RNGTT: variants seen among roughly 807,000 people sequenced by gnomAD.
RNGTT encodes mRNA-capping enzyme.
In RNGTT, 33 loss-of-function variants were observed where a neutral mutation model predicts 79.3. The ratio of observed to expected loss-of-function variants is 0.42; its 90% CI spans 0.32 to 0.56. The LOEUF is 0.56. Ranked by LOEUF, RNGTT falls within the 20% of genes least tolerant of loss-of-function variation. The pLI is 0.17. For synonymous variants in RNGTT, 222 were observed against 235.9 expected (o/e 0.94, Z 0.54); for missense variants, 497 against 739.1 (o/e 0.67, Z 3.80).
In RNGTT at chr6:88,963,381, C is replaced by T. The variant is rs1319565224; in HGVS notation, c.29G>A (p.Trp10Ter). ...CTGGCCGCGCCGGGGACAGTTCAGC[C>T]ACCGCGGCGGGATCTTGTTGTGAGC... Reference protein sequence around the residue: MAHNKIPPRWLNCPRRGQPV... With the variant: MAHNKIPPR Residue 10 changes from tryptophan to a stop codon, truncating the protein, a stop_gained, in exon 1 of 16, where the codon TGG becomes TAG. Transcript: ENST00000369485. LOFTEE classifies it high-confidence loss of function. 1.2e-6 allele frequency: 2 copies of T among 1,610,352 alleles called. No individual in the cohort carries two copies. The highest frequency in any genetic ancestry group is 1.3e-5 in the African/African-American group (1 of 74,802).
Position 88,610,568 on chromosome 6 carries a change from C to G in RNGTT, c.*2151G>C, listed in dbSNP as rs1771986027. The G allele has an allele frequency of 6.6e-6, 1 of 152,174 alleles. No individual in the cohort carries two copies. 9.4% of individuals were successfully genotyped at this position (152,174 alleles called of 1,614,324 possible). A position where few individuals can be genotyped will look rare whatever the true frequency, so the allele number is the denominator to read the frequency against. On this transcript the variant is annotated 3_prime_UTR_variant, in exon 16 of 16. Coordinates refer to ENST00000369485, the MANE Select transcript of RNGTT (RefSeq NM_003800.5). Reference sequence around the variant, plus strand: ...CCTGCCTCTAGATTATCCCCCTGACCTTCTAAATGACTTTTATAATACTGC... The same window carrying G: ...CCTGCCTCTAGATTATCCCCCTGACGTTCTAAATGACTTTTATAATACTGC...
At chr6:88,903,964 G>T (rs1026084763) in intron 6 of RNGTT, among the ~76,000 whole-genome samples, 6 of 152,096 alleles carry the variant, frequency 3.9e-5, no homozygotes, top group African/African-American at 1.2e-4. Flanking sequence ...ATTATTAAAG[G>T]TTGGCTAGAG....
intron 8 of RNGTT, among the ~76,000 whole-genome samples, chr6:88,864,911 A>T (rs1430860752): frequency 6.6e-6 from 1 of 152,102 alleles, no homozygotes; most frequent in Non-Finnish European, 1.5e-5. Flanking sequence ...AATGGAGAAC[A>T]GTGGTTGCCA....
intron 1 of RNGTT, among the ~76,000 whole-genome samples, chr6:88,954,869 C>G (rs1390045519): frequency 6.6e-6 from 1 of 151,628 alleles, no homozygotes; most frequent in African/African-American, 2.4e-5. Flanking sequence ...ATGATAAAAC[C>G]ATGCCTCTAC....
At chr6:88,862,179 G>T (rs1782034481) in intron 8 of RNGTT, among the ~76,000 whole-genome samples, 1 of 152,130 alleles carries the variant, frequency 6.6e-6, no homozygotes, top group African/African-American at 2.4e-5. Flanking sequence ...TTAATGAGTT[G>T]ACTGATGGTT....
chr6:88,789,305 T>C (rs1779327828), intron 12 of RNGTT, among the ~76,000 whole-genome samples: 1 of 152,166 alleles, frequency 6.6e-6, no homozygotes, highest in Non-Finnish European at 1.5e-5. Context: ...CTCACGCCTG[T>C]AATCTCAGCA....
At chr6:88,670,789 G>A (rs781297218) in intron 14 of RNGTT, among the ~76,000 whole-genome samples, 3 of 152,118 alleles carry the variant, frequency 2.0e-5, no homozygotes, top group Admixed American at 6.6e-5. Context: ...ACCCTTTCAC[G>A]TGGACCCCTC....
intron 13 of RNGTT, among the ~76,000 whole-genome samples, chr6:88,711,457 C>G (rs1007953606): frequency 1.3e-5 from 2 of 152,080 alleles, no homozygotes; most frequent in African/African-American, 4.8e-5. Flanking sequence ...TGTTCTTAAC[C>G]AAACTAATCT....
chr6:88,631,133 T>G lies in RNGTT; in HGVS notation c.1507-16738A>C, dbSNP rs186364031. On this transcript the variant is annotated intron_variant, in intron 14 of 15. Coordinates refer to ENST00000369485, the MANE Select transcript of RNGTT (RefSeq NM_003800.5). The stretch of plus-strand genomic sequence containing the variant: ...CCCCAAATGGAGTTGTTAGCAGCTC[T>G]GTCTTTCTGATGGCCACACAGTTCT... Among the ~76,000 whole-genome samples, 290 of 152,346 alleles carry G rather than the reference T, an allele frequency of 1.9e-3. 4 individuals carry two copies. Among genetic ancestry groups the G allele is most frequent in the African/African-American group, 6.8e-3 (284 of 41,584 alleles).
In RNGTT at chr6:88,635,334, C is replaced by T. The variant is rs190340080; in HGVS notation, c.1507-20939G>A. On this transcript the variant is annotated intron_variant, in intron 14 of 15. Transcript: ENST00000369485. ...AACATGTAGCTGTTATTTGGTTACA[C>T]GAACATTCTAAAATTTACACAGAGG... Among the ~76,000 whole-genome samples, 6 of 152,104 alleles carry T rather than the reference C, an allele frequency of 3.9e-5. No homozygotes were observed. In the South Asian group the frequency reaches 8.3e-4, roughly 21 times the overall value.
rs1001993907 is a variant in RNGTT, at chr6:88,647,744, G to A, written c.1506+30609C>T. On this transcript the variant is annotated intron_variant, in intron 14 of 15. Transcript: ENST00000369485. ...AAGAAGAAGAAAAGAAGGAAGGGAG[G>A]AAGGGAGAGAGGGAGGAGGGGAGGG... Among the ~76,000 whole-genome samples the A allele has an allele frequency of 6.9e-4, 98 of 142,694 alleles. 2 individuals carry two copies. Among genetic ancestry groups the A allele is most frequent in the Non-Finnish European group, 1.3e-3 (85 of 66,080 alleles). 93.6% of individuals were successfully genotyped at this position (142,694 alleles called of 152,430 possible).
intron 13 of RNGTT, among the ~76,000 whole-genome samples, chr6:88,738,445 AC>A: frequency 6.6e-6 from 1 of 152,238 alleles, no homozygotes; most frequent in East Asian, 1.9e-4. Context: ...AAAATAACAC[AC>A]CAAGTCTGGC....
intron 2 of RNGTT, among the ~76,000 whole-genome samples, chr6:88,935,926 G>A (rs750568305): frequency 6.6e-6 from 1 of 152,022 alleles, no homozygotes; most frequent in Non-Finnish European, 1.5e-5. Flanking sequence ...CTTTTTTTGT[G>A]TATTTCTTTC....
At chr6:88,733,946 A>C (rs1213742333) in intron 13 of RNGTT, among the ~76,000 whole-genome samples, 2 of 152,200 alleles carry the variant, frequency 1.3e-5, no homozygotes, top group Admixed American at 6.5e-5. Flanking sequence ...AAAAAGTATT[A>C]AAAAGAAGTT....
At chr6:88,896,442 C>T (rs1783251278) in intron 6 of RNGTT, among the ~76,000 whole-genome samples, 1 of 152,054 alleles carries the variant, frequency 6.6e-6, no homozygotes, top group Admixed American at 6.6e-5. Flanking sequence ...TAACAGGTTA[C>T]CTTAGAAGCT....
chr6:88,723,668 T>C (rs530970346), intron 13 of RNGTT, among the ~76,000 whole-genome samples: 21 of 152,288 alleles, frequency 1.4e-4, no homozygotes, highest in Admixed American at 1.2e-3. Flanking sequence ...AAAAATCTTA[T>C]AGAATAAGGA....
At chr6:88,685,565 G>A (rs545393845) in intron 13 of RNGTT, among the ~76,000 whole-genome samples, 1 of 151,522 alleles carries the variant, frequency 6.6e-6, no homozygotes, top group East Asian at 1.9e-4. Flanking sequence ...GGAAAAGGAG[G>A]AAAGAGGGAA....
At chr6:88,792,795 T>G (rs1488408019) in intron 12 of RNGTT, among the ~76,000 whole-genome samples, 1 of 152,096 alleles carries the variant, frequency 6.6e-6, no homozygotes, top group Non-Finnish European at 1.5e-5. Context: ...AGGTTGAAAT[T>G]GCAAAACCAA....
At chr6:88,957,516 T>G (rs1785474280) in intron 1 of RNGTT, among the ~76,000 whole-genome samples, 1 of 152,166 alleles carries the variant, frequency 6.6e-6, no homozygotes, top group South Asian at 2.1e-4. Context: ...ATGAATTCTT[T>G]AAAGTTTCAG....
Sources: gnomAD v4.1 joint callset for allele counts (sites outside exome capture counted in the v4.1 genomes callset) on GRCh38, gnomAD v4.1.1 for gene constraint, MANE v1.5 for transcripts, NCBI Gene and HGNC (gene_info 2026-07-23, HGNC 2026-07-21) for gene names.